Variants in CCDC91 observed in about 807,000 individuals in gnomAD.
The protein encoded by CCDC91 is coiled-coil domain-containing protein 91.
In CCDC91, 48 loss-of-function variants were observed where a neutral mutation model predicts 63.2. The observed-to-expected ratio is 0.76, with a 90% CI of 0.60 to 0.97. The LOEUF (loss-of-function observed/expected upper bound fraction) is 0.97, where lower values mean the gene tolerates loss of function less well. Among genes scored for constraint, CCDC91 ranks in the 50% least tolerant of loss-of-function variants. The pLI is 0.00. For missense variants in CCDC91, 500 were observed against 494.6 expected (o/e 1.01, Z -0.10); for synonymous variants, 167 against 165.8 (o/e 1.01, Z -0.06).
At chr12:28,415,541 G>A (rs10843163) in intron 8 of CCDC91, among the ~76,000 whole-genome samples, 33,204 of 152,052 alleles carry the variant, frequency 0.22, 4,365 homozygotes, top group Non-Finnish European at 0.3. Context: ...TTTAAAATGA[G>A]TAGTTAAAAG....
intron 11 of CCDC91, among the ~76,000 whole-genome samples, chr12:28,479,882 G>T (rs11049653): frequency 6.6e-6 from 1 of 151,840 alleles, no homozygotes; most frequent in Non-Finnish European, 1.5e-5. Context: ...ATCATATGGG[G>T]TGAGGCAAGG....
chr12:28,273,437 C>G (rs1160002943), intron 3 of CCDC91, among the ~76,000 whole-genome samples: 1 of 152,194 alleles, frequency 6.6e-6, no homozygotes, highest in Non-Finnish European at 1.5e-5. Flanking sequence ...AATGGTTGAA[C>G]TAGTTTACAG....
chr12:28,391,271 T>A, intron 7 of CCDC91, 33 bp from the exon 8 acceptor site: 1 of 1,346,374 alleles, frequency 7.4e-7, no homozygotes. Context: ...AAGTTTTGTC[T>A]GTGATCCAAA....
intron 12 of CCDC91, among the ~76,000 whole-genome samples, chr12:28,537,671 C>G (rs1303750249): frequency 1.3e-5 from 2 of 152,178 alleles, no homozygotes; most frequent in African/African-American, 2.4e-5. Flanking sequence ...ATCATTCTGT[C>G]TTTGTACTTT....
At chr12:28,412,684 G>T in intron 8 of CCDC91, 1 of 447,910 alleles carries the variant, frequency 2.2e-6, no homozygotes, top group Non-Finnish European at 4.5e-6. Flanking sequence ...GCAGGTTGCT[G>T]CTGCTGGCTG....
intron 8 of CCDC91, among the ~76,000 whole-genome samples, chr12:28,434,903 A>G (rs879432181): frequency 6.6e-6 from 1 of 151,564 alleles, no homozygotes; most frequent in African/African-American, 2.4e-5. Flanking sequence ...GTTTCAGTTA[A>G]AAAACTTGTA....
intron 8 of CCDC91, among the ~76,000 whole-genome samples, chr12:28,407,459 T>A (rs1298410696): frequency 6.6e-6 from 1 of 152,228 alleles, no homozygotes; most frequent in Admixed American, 6.5e-5. Context: ...TCAAGTACTG[T>A]AAGCCCTCCA....
chr12:28,486,899 C>T (rs1951754613), intron 12 of CCDC91, among the ~76,000 whole-genome samples: 1 of 151,938 alleles, frequency 6.6e-6, no homozygotes, highest in African/African-American at 2.4e-5. Flanking sequence ...AAATCTAATA[C>T]CTACCTTGCA....
chr12:28,260,921 A>G (rs1946779521), intron 3 of CCDC91, among the ~76,000 whole-genome samples: 1 of 152,022 alleles, frequency 6.6e-6, no homozygotes. Flanking sequence ...AGGCAGAGCA[A>G]CTATACTCTT....
In CCDC91 at chr12:28,366,279, G is replaced by A. The variant is rs191485121; in HGVS notation, c.654+3764G>A. On this transcript the variant is annotated intron_variant, in intron 7 of 12. Transcript: ENST00000536442. The stretch of plus-strand genomic sequence containing the variant: ...GTAACTACATAGTAGTGGGTTCCCC[G>A]GATTTTCTTTTTACCCTTTTTGTCC... Among the ~76,000 whole-genome samples the A allele has an allele frequency of 2.0e-3, 311 of 152,210 alleles. 3 individuals are homozygous for A. Among genetic ancestry groups the A allele is most frequent in the Non-Finnish European group, 3.7e-3 (249 of 67,994 alleles).
At position 28,525,447 on chromosome 12, in the gene CCDC91, A is replaced by G. The variant is rs142854280; in HGVS notation, c.1216-23616A>G. ...TGGAGTTGATTTCCAGTTTTATTCC[A>G]CTGTGGTCTGAGAGAGTGCTTGATA... is the stretch of plus-strand genomic sequence containing the variant. On this transcript the variant is annotated intron_variant, in intron 12 of 12. Transcript: ENST00000536442. Among the ~76,000 whole-genome samples, 695 of 152,074 alleles carry G rather than the reference A, an allele frequency of 4.6e-3. 7 individuals carry two copies. Among genetic ancestry groups the G allele is most frequent in the African/African-American group, 0.014 (584 of 41,462 alleles).
At chr12:28,400,254 T>C (rs1946534776) in intron 8 of CCDC91, among the ~76,000 whole-genome samples, 1 of 152,172 alleles carries the variant, frequency 6.6e-6, no homozygotes. Flanking sequence ...TCTGAAGCAA[T>C]AGCATGAGCT....
At chr12:28,301,022 G>A (rs1938017464) in intron 3 of CCDC91, among the ~76,000 whole-genome samples, 1 of 151,558 alleles carries the variant, frequency 6.6e-6, no homozygotes, top group Admixed American at 6.6e-5. Context: ...ATAGAAACAT[G>A]AAATTATTTT....
At position 28,503,061 on chromosome 12, in the gene CCDC91, A is replaced by G. The variant is rs558190256; in HGVS notation, c.1215+18896A>G. Reference sequence around the variant, plus strand: ...ATTTAAAACACCAAAAGCAATGGCAACAAAAGCCAAAATTGACAGATGGGA... The same window carrying G: ...ATTTAAAACACCAAAAGCAATGGCAGCAAAAGCCAAAATTGACAGATGGGA... On this transcript the variant is annotated intron_variant, in intron 12 of 12. Coordinates refer to ENST00000536442, the MANE Select transcript of CCDC91 (RefSeq NM_018318.5). 3.3e-5 allele frequency among the ~76,000 whole-genome samples: 5 copies of G among 152,338 alleles called. No individual in the cohort carries two copies. In the East Asian group the frequency reaches 9.6e-4, roughly 29 times the overall value.
chr12:28,274,390 AC>A (rs1477149671), intron 3 of CCDC91, among the ~76,000 whole-genome samples: 6 of 152,102 alleles, frequency 3.9e-5, no homozygotes, highest in African/African-American at 1.4e-4. Context: ...AGTCATTGGT[AC>A]CTTGATGGGG....
intron 3 of CCDC91, among the ~76,000 whole-genome samples, chr12:28,297,204 T>C (rs943056658): frequency 1.3e-5 from 2 of 151,896 alleles, no homozygotes; most frequent in African/African-American, 4.8e-5. Flanking sequence ...TAAAAGTGCA[T>C]GGCTATTTTT....
chr12:28,543,374 G>A (rs1332535598), intron 12 of CCDC91, among the ~76,000 whole-genome samples: 2 of 151,988 alleles, frequency 1.3e-5, no homozygotes, highest in Admixed American at 6.6e-5. Flanking sequence ...GCAAGCTTGT[G>A]CAACCCGCCT....
chr12:28,421,417 A>T (rs1223008055), intron 8 of CCDC91, among the ~76,000 whole-genome samples: 1 of 151,634 alleles, frequency 6.6e-6, no homozygotes, highest in African/African-American at 2.4e-5. Flanking sequence ...TTGTCCATGT[A>T]TTCTCAGTGT....
rs1275397929 is a variant in CCDC91 at position 28,305,787 on chromosome 12, A to G, written c.248A>G (p.Gln83Arg). The change falls in exon 4 of 13, where the codon CAA becomes CGA. Residue 83 changes from glutamine (Q) to arginine (R), a missense_variant. Transcript: ENST00000536442. ...NTHAANSIVSQTIPKAQIQQS... is the reference protein window; with the variant it reads ...NTHAANSIVSRTIPKAQIQQS... ...CATGCAGCAAATAGCATTGTGAGTC[A>G]AACTATTCCAAAAGCACAGGTAAAG... The G allele has an allele frequency of 3.7e-6, 6 of 1,612,506 alleles. No homozygotes were observed. In the African/African-American group the frequency reaches 8.0e-5, roughly 22 times the overall value.
Sources: allele counts gnomAD v4.1 joint callset (sites outside exome capture counted in the v4.1 genomes callset), GRCh38; gene constraint gnomAD v4.1.1; transcripts MANE v1.5; gene names NCBI Gene and HGNC (gene_info 2026-07-23, HGNC 2026-07-21).